TBCA: variants seen among roughly 807,000 people sequenced by gnomAD.
The protein encoded by TBCA is tubulin folding cofactor A.
Under a neutral mutation model 15.8 loss-of-function variants are expected in TBCA, and 6 were observed. That is an observed-to-expected ratio of 0.38 (90% CI 0.21 to 0.75). TBCA has a LOEUF of 0.75. Ranked by LOEUF, TBCA falls within the 30% of genes least tolerant of loss-of-function variation. TBCA has a pLI of 0.46. For synonymous variants in TBCA, 32 were observed against 42.3 expected (o/e 0.76, Z 0.94); for missense variants, 90 against 131.2 (o/e 0.69, Z 1.53).
chr5:77,774,627 C>T (rs1218507380), intron 1 of TBCA, among the ~76,000 whole-genome samples: 1 of 152,154 alleles, frequency 6.6e-6, no homozygotes, highest in African/African-American at 2.4e-5. Flanking sequence ...CAGATCAAAC[C>T]AATGTACATC....
intron 1 of TBCA, among the ~76,000 whole-genome samples, chr5:77,769,589 A>G (rs1747860164): frequency 6.6e-6 from 1 of 151,962 alleles, no homozygotes; most frequent in Non-Finnish European, 1.5e-5. Flanking sequence ...TAGCATATAC[A>G]CCATACACAG....
rs189358192 is a variant in TBCA, at chr5:77,764,007, C to T, written c.53+12198G>A. Among the ~76,000 whole-genome samples the T allele has an allele frequency of 1.1e-3, 164 of 152,096 alleles. 1 individual carries two copies. Among genetic ancestry groups the T allele is most frequent in the East Asian group, 7.9e-3 (41 of 5,186 alleles). On this transcript the variant is annotated intron_variant, in intron 1 of 3. Transcript: ENST00000380377. ...ATCAATAAGAGGAATGGATAAATTG[C>T]GGTATTATCAAACAATGGAGTATTA...
chr5:77,692,821 T>A, intron 3 of TBCA: 1 of 1,064,498 alleles, frequency 9.4e-7, no homozygotes, highest in Non-Finnish European at 1.1e-6. Flanking sequence ...ATTACCAGGT[T>A]TTTTCCCCCT....
At chr5:77,764,109 G>GT (rs1033477127) in intron 1 of TBCA, among the ~76,000 whole-genome samples, 1 of 152,134 alleles carries the variant, frequency 6.6e-6, no homozygotes, top group Non-Finnish European at 1.5e-5. Context: ...GTGAAAAATG[G>GT]TAAGTCCCAG....
intron 1 of TBCA, among the ~76,000 whole-genome samples, chr5:77,718,549 C>A (rs553303192): frequency 6.6e-6 from 1 of 152,264 alleles, no homozygotes; most frequent in Non-Finnish European, 1.5e-5. Context: ...TGATTTAGTG[C>A]TAATGGTCTA....
intron 1 of TBCA, among the ~76,000 whole-genome samples, chr5:77,749,170 G>C (rs1747257345): frequency 6.6e-6 from 1 of 152,214 alleles, no homozygotes; most frequent in African/African-American, 2.4e-5. Context: ...AGAACCGCGA[G>C]AGATCACTTT....
chr5:77,741,890 C>T (rs898144556), intron 1 of TBCA, among the ~76,000 whole-genome samples: 6 of 152,092 alleles, frequency 3.9e-5, no homozygotes, highest in Admixed American at 1.3e-4. Context: ...GAATATTTGA[C>T]GAACTGTGAT....
chr5:77,776,277 G>T lies in TBCA; in HGVS notation c.-20C>A. 6.4e-7 allele frequency: 1 copy of T among 1,572,790 alleles called. No homozygotes were observed. The highest frequency in any genetic ancestry group is 8.6e-7 in the Non-Finnish European group (1 of 1,160,124). ...GGCCATGGTCCCTCGAGCGCCGCGA[G>T]AAGGAGGGGCGGAGAGCCGGGGTAA... On this transcript the variant is annotated 5_prime_UTR_variant, in exon 1 of 4. Coordinates refer to ENST00000380377, the MANE Select transcript of TBCA (RefSeq NM_004607.3).
chr5:77,717,627 C>T (rs1197992907), intron 1 of TBCA, among the ~76,000 whole-genome samples: 3 of 151,252 alleles, frequency 2.0e-5, no homozygotes, highest in Admixed American at 6.6e-5. Context: ...GTCAGGAGTT[C>T]GAGGCTACCG....
At chr5:77,714,575 A>ATTTTT (rs146736386) in intron 1 of TBCA, among the ~76,000 whole-genome samples, 30,486 of 148,664 alleles carry the variant, frequency 0.21, 3,927 homozygotes, top group Non-Finnish European at 0.29. Context: ...TATTATTATT[A>ATTTTT]TTTTTTTTTG....
At chr5:77,713,937 T>A (rs1482557640) in intron 1 of TBCA, among the ~76,000 whole-genome samples, 1 of 147,020 alleles carries the variant, frequency 6.8e-6, no homozygotes, top group Non-Finnish European at 1.5e-5. Context: ...TTCCCAAAGC[T>A]GGAAAAGAAA....
intron 1 of TBCA, among the ~76,000 whole-genome samples, chr5:77,753,636 G>T (rs193184851): frequency 6.6e-6 from 1 of 152,260 alleles, no homozygotes; most frequent in East Asian, 1.9e-4. Flanking sequence ...CTTGCTTTGA[G>T]TAACTATTTT....
At chr5:77,692,698 A>G (rs1745781489) in intron 3 of TBCA, 3 of 987,422 alleles carry the variant, frequency 3.0e-6, no homozygotes, top group Non-Finnish European at 3.6e-6. Flanking sequence ...TGTCTTAGAT[A>G]GTATTTTAAC....
At chr5:77,768,978 A>G (rs1385523091) in intron 1 of TBCA, among the ~76,000 whole-genome samples, 1 of 152,274 alleles carries the variant, frequency 6.6e-6, no homozygotes, top group African/African-American at 2.4e-5. Context: ...ATACACATAC[A>G]GGGCCAAAGA....
intron 2 of TBCA, among the ~76,000 whole-genome samples, chr5:77,695,995 A>C (rs2112421282): frequency 1.3e-5 from 2 of 152,336 alleles, no homozygotes; most frequent in South Asian, 4.1e-4. Flanking sequence ...AAATCTAATC[A>C]ATTTCCTTTA....
At chr5:77,721,498 A>C (rs913296728) in intron 1 of TBCA, among the ~76,000 whole-genome samples, 5 of 151,930 alleles carry the variant, frequency 3.3e-5, no homozygotes, top group Middle Eastern at 3.4e-3. Context: ...ATTCAGAAAA[A>C]CTTAAGAGTT....
At chr5:77,760,030 TA>T (rs140617960) in intron 1 of TBCA, among the ~76,000 whole-genome samples, 16 of 152,352 alleles carry the variant, frequency 1.1e-4, no homozygotes, top group African/African-American at 3.4e-4. Flanking sequence ...AAAATAGGTT[TA>T]TCTGCCCTTT....
chr5:77,712,624 T>C (rs960129240), intron 1 of TBCA, among the ~76,000 whole-genome samples: 4 of 152,150 alleles, frequency 2.6e-5, no homozygotes, highest in Non-Finnish European at 5.9e-5. Context: ...AGATTCAAAA[T>C]ACACATAATT....
rs539235149 is a variant in TBCA at position 77,697,333 on chromosome 5, C to G, written c.160-3981G>C. The stretch of plus-strand genomic sequence containing the variant: ...AGAATACAAATACTTTTCAAGTGCC[C>G]ATGAAATATTTACTGAAGTAAGCCA... On this transcript the variant is annotated intron_variant, in intron 2 of 3. Coordinates refer to ENST00000380377, the MANE Select transcript of TBCA (RefSeq NM_004607.3). Among the ~76,000 whole-genome samples the G allele has an allele frequency of 2.6e-5, 4 of 152,198 alleles. No homozygotes were observed. In the East Asian group the frequency reaches 7.7e-4, roughly 29 times the overall value.
Sources: allele counts gnomAD v4.1 joint callset (sites outside exome capture counted in the v4.1 genomes callset), GRCh38; gene constraint gnomAD v4.1.1; transcripts MANE v1.5; gene names NCBI Gene and HGNC (gene_info 2026-07-23, HGNC 2026-07-21).